Variants in PRKG1 observed in about 807,000 individuals in gnomAD.
PRKG1 encodes the protein protein kinase cGMP-dependent 1.
PRKG1 carries 35 observed loss-of-function variants against 88.1 expected under a neutral mutation model. The observed-to-expected ratio is 0.40, with a 90% CI of 0.30 to 0.53. The LOEUF is 0.53. Ranked by LOEUF, PRKG1 falls within the 20% of genes least tolerant of loss-of-function variation. PRKG1 has a pLI of 0.59. For missense variants in PRKG1, 540 were observed against 839.8 expected (o/e 0.64, Z 4.41); for synonymous variants, 303 against 292.5 (o/e 1.04, Z -0.37).
chr10:51,116,055 G>A (rs1000832493), intron 1 of PRKG1, among the ~76,000 whole-genome samples: 1 of 151,958 alleles, frequency 6.6e-6, no homozygotes, highest in South Asian at 2.1e-4. Flanking sequence ...AAAAGTACTG[G>A]GCTTTCACTC....
At chr10:51,096,933 G>A (rs1844544645) in intron 1 of PRKG1, among the ~76,000 whole-genome samples, 1 of 152,194 alleles carries the variant, frequency 6.6e-6, no homozygotes, top group African/African-American at 2.4e-5. Context: ...GCACAGGACA[G>A]TTTTCATAAC....
chr10:51,858,314 ATAATATGTAT>A lies in PRKG1; in HGVS notation c.699-49190_699-49181del. ...ATACATATGTATAATATATATATGTATAATATGTATTATATATAATATATATATTATATAA... is the reference window on the plus strand; with the variant it reads ...ATACATATGTATAATATATATATGTATATATATAATATATATATTATATAA... On this transcript the variant is annotated intron_variant, in intron 4 of 17. Transcript: ENST00000373980. 8.6e-4 allele frequency among the ~76,000 whole-genome samples: 11 copies of A among 12,730 alleles called. 1 individual carries two copies. The highest frequency in any genetic ancestry group is 3.2e-3 in the African/African-American group (11 of 3,386). The allele number at this position is 12,730 out of a possible 152,430, so 8.4% of individuals were successfully genotyped here.
In PRKG1 at chr10:51,677,638, T is replaced by C. The variant is rs73341686; in HGVS notation, c.593-126947T>C. 6.0e-3 allele frequency among the ~76,000 whole-genome samples: 913 copies of C among 152,318 alleles called. 8 individuals carry two copies. The highest frequency in any genetic ancestry group is 0.021 in the African/African-American group (880 of 41,574). ...AGTAACAAAGACTCATAAAGCACTG[T>C]CTGTAATTCTCCCAGCTTCTAGCTA... is the stretch of plus-strand genomic sequence containing the variant. On this transcript the variant is annotated intron_variant, in intron 3 of 17. Coordinates refer to ENST00000373980, the MANE Select transcript of PRKG1 (RefSeq NM_006258.4).
intron 3 of PRKG1, among the ~76,000 whole-genome samples, chr10:51,485,095 G>A (rs1163536245): frequency 6.6e-6 from 1 of 152,024 alleles, no homozygotes; most frequent in East Asian, 1.9e-4. Context: ...TCTAATACAA[G>A]CCTTTTGCTC....
In PRKG1 at chr10:51,638,750, C is replaced by T. The variant is rs139131592; in HGVS notation, c.593-165835C>T. ...AAGGAAGCAGGAAGTAATCATTTGT[C>T]GGTTCAGCTAGTTAATTTGAAATAA... is the stretch of plus-strand genomic sequence containing the variant. On this transcript the variant is annotated intron_variant, in intron 3 of 17. Transcript: ENST00000373980. Among the ~76,000 whole-genome samples the T allele has an allele frequency of 5.0e-4, 76 of 152,254 alleles. No individual in the cohort carries two copies. The East Asian group carries it at 6.0e-3, about 12-fold the overall frequency.
chr10:51,870,148 TA>T (rs1274485010), intron 4 of PRKG1, among the ~76,000 whole-genome samples: 1 of 152,188 alleles, frequency 6.6e-6, no homozygotes, highest in African/African-American at 2.4e-5. Flanking sequence ...ATTCTGACCT[TA>T]AACGCTTTAG....
chr10:51,317,466 G>A (rs1355083461), intron 2 of PRKG1, among the ~76,000 whole-genome samples: 6 of 151,988 alleles, frequency 3.9e-5, no homozygotes, highest in East Asian at 1.9e-4. Flanking sequence ...TTCCTAACAC[G>A]CACACAAACA....
chr10:51,408,250 A>T (rs1428430947), intron 2 of PRKG1, among the ~76,000 whole-genome samples: 2 of 152,202 alleles, frequency 1.3e-5, no homozygotes, highest in African/African-American at 4.8e-5. Context: ...TGGTATTGTA[A>T]TTGTGACTAC....
At chr10:52,220,640 C>T (rs1840219940) in intron 9 of PRKG1, among the ~76,000 whole-genome samples, 1 of 152,100 alleles carries the variant, frequency 6.6e-6, no homozygotes, top group Admixed American at 6.6e-5. Flanking sequence ...CATCATTTAG[C>T]TCCCACTTAT....
chr10:51,346,111 C>A (rs1362168187), intron 2 of PRKG1, among the ~76,000 whole-genome samples: 2 of 152,166 alleles, frequency 1.3e-5, no homozygotes, highest in African/African-American at 2.4e-5. Flanking sequence ...CACTTTAAGA[C>A]AGGCTTTTTG....
In PRKG1 at chr10:52,251,653, G is replaced by A; in HGVS notation, c.1160G>A (p.Gly387Glu). The A allele has an allele frequency of 6.2e-7, 1 of 1,612,954 alleles. No individual in the cohort carries two copies. The highest frequency in any genetic ancestry group is 8.5e-7 in the Non-Finnish European group (1 of 1,179,096). ...IIDTLGVGGFGRVELVQLKSE... is the reference protein window; with the variant it reads ...IIDTLGVGGFERVELVQLKSE... ...GATACCCTTGGAGTTGGAGGTTTCG[G>A]ACGAGTAGAACTGGTAGGTGATTGT... The change falls in exon 10 of 18, where the codon GGA becomes GAA. Residue 387 changes from glycine to glutamate, a missense_variant. Around this residue, in one of 5 missense-constraint regions of PRKG1, gnomAD observed 400 missense variants for 562.7 expected, o/e 0.71. Transcript: ENST00000373980.
intron 3 of PRKG1, among the ~76,000 whole-genome samples, chr10:51,472,016 C>T (rs2132824127): frequency 6.6e-6 from 1 of 151,768 alleles, no homozygotes; most frequent in South Asian, 2.1e-4. Context: ...ATTATTAATG[C>T]CAAAGAGCCT....
chr10:51,341,922 G>C (rs867232329), intron 2 of PRKG1, among the ~76,000 whole-genome samples: 12 of 152,248 alleles, frequency 7.9e-5, no homozygotes, highest in Middle Eastern at 3.4e-3. Context: ...ATCAGATCTT[G>C]TGAGACTTAT....
At chr10:51,703,360 G>A (rs1841522205) in intron 3 of PRKG1, among the ~76,000 whole-genome samples, 1 of 152,102 alleles carries the variant, frequency 6.6e-6, no homozygotes, top group African/African-American at 2.4e-5. Context: ...TAAGTGTACG[G>A]GTCCTTCAAG....
chr10:51,183,471 AT>A (rs533199141), intron 2 of PRKG1, among the ~76,000 whole-genome samples: 2 of 152,160 alleles, frequency 1.3e-5, no homozygotes, highest in Non-Finnish European at 2.9e-5. Context: ...ATCTAGCACC[AT>A]TTCTGCATAT....
chr10:52,035,345 T>C (rs1845579679), intron 5 of PRKG1, among the ~76,000 whole-genome samples: 1 of 152,062 alleles, frequency 6.6e-6, no homozygotes, highest in Non-Finnish European at 1.5e-5. Flanking sequence ...GAATAATCCC[T>C]GAGGAGTACT....
intron 3 of PRKG1, among the ~76,000 whole-genome samples, chr10:51,710,948 G>A (rs544420449): frequency 1.3e-5 from 2 of 152,214 alleles, no homozygotes; most frequent in Non-Finnish European, 2.9e-5. Flanking sequence ...CTCCCATCTC[G>A]GCCTCCCGAA....
intron 1 of PRKG1, among the ~76,000 whole-genome samples, chr10:51,037,644 C>G (rs1439087337): frequency 3.3e-5 from 5 of 151,714 alleles, no homozygotes; most frequent in Admixed American, 6.6e-5. Flanking sequence ...ATTAGCCAGG[C>G]ATGGTGGCAT....
At chr10:51,538,184 G>A (rs377672573) in intron 3 of PRKG1, among the ~76,000 whole-genome samples, 5 of 152,096 alleles carry the variant, frequency 3.3e-5, no homozygotes, top group Admixed American at 6.5e-5. Flanking sequence ...GTGTTTGTCC[G>A]TGTAGCTTAA....
Sources: gnomAD v4.1 joint callset for allele counts (sites outside exome capture counted in the v4.1 genomes callset) on GRCh38, gnomAD v4.1.1 for gene constraint, gnomAD v4.1.1 regional missense constraint, MANE v1.5 for transcripts, NCBI Gene and HGNC (gene_info 2026-07-23, HGNC 2026-07-21) for gene names.